The following TMC1 variants were observed in gnomAD, a reference collection of about 807,000 sequenced individuals.
The protein encoded by TMC1 is transmembrane channel-like protein 1.
Under a neutral mutation model 105.8 loss-of-function variants are expected in TMC1, and 84 were observed. The observed-to-expected ratio is 0.79, with a 90% CI of 0.67 to 0.95. TMC1 has a LOEUF of 0.95. Among genes scored for constraint, TMC1 ranks in the 40% least tolerant of loss-of-function variants. TMC1 has a pLI of 0.00. For missense variants in TMC1, 817 were observed against 914.1 expected (o/e 0.89, Z 1.37); for synonymous variants, 315 against 311.5 (o/e 1.01, Z -0.12).
intron 12 of TMC1, among the ~76,000 whole-genome samples, chr9:72,769,357 C>T (rs1240663729): frequency 6.6e-6 from 1 of 152,176 alleles, no homozygotes; most frequent in African/African-American, 2.4e-5. Context: ...GTCAACATGC[C>T]GCCTTTATTA....
Position 72,594,859 on chromosome 9 carries a change from T to G in TMC1, c.-306+16836T>G, listed in dbSNP as rs534239152. Among the ~76,000 whole-genome samples, 662 of 149,730 alleles carry G rather than the reference T, an allele frequency of 4.4e-3. 3 individuals carry two copies. Among genetic ancestry groups the G allele is most frequent in the Non-Finnish European group, 7.4e-3 (499 of 67,298 alleles). On this transcript the variant is annotated intron_variant, in intron 2 of 23. Transcript: ENST00000297784. ...TCACAATGTGCAGCTCTCCTCTGCT[T>G]CTTCTTCTTCTTTTTTTTTTTTTTG...
chr9:72,580,188 T>C (rs1824452570), intron 2 of TMC1, among the ~76,000 whole-genome samples: 1 of 152,212 alleles, frequency 6.6e-6, no homozygotes. Context: ...TCCAGGAATA[T>C]GCATTTTATG....
rs752951470 is a variant in TMC1, at chr9:72,836,004, C to G, written c.*31C>G. On this transcript the variant is annotated 3_prime_UTR_variant, in exon 24 of 24. Coordinates refer to ENST00000297784, the MANE Select transcript of TMC1 (RefSeq NM_138691.3). The stretch of plus-strand genomic sequence containing the variant: ...ATCCTGAGAGCCCAGAAAAGGTACA[C>G]TTTGCCTTGCTGTTTAAAAGTAATG... The G allele has an allele frequency of 4.6e-6, 7 of 1,521,348 alleles. No individual in the cohort carries two copies. The highest frequency in any genetic ancestry group is 4.4e-6 in the Non-Finnish European group (5 of 1,124,980). The allele number at this position is 1,521,348 out of a possible 1,614,324, so 94.2% of individuals were successfully genotyped here. A position where few individuals can be genotyped will look rare whatever the true frequency, so the allele number is the denominator to read the frequency against.
At chr9:72,630,190 C>G (rs1299191324) in intron 4 of TMC1, among the ~76,000 whole-genome samples, 1 of 152,098 alleles carries the variant, frequency 6.6e-6, no homozygotes. Flanking sequence ...TTTAAAGACA[C>G]ACTGTAAGAA....
intron 7 of TMC1, among the ~76,000 whole-genome samples, chr9:72,699,432 C>CAATT (rs1417098057): frequency 1.3e-5 from 2 of 152,068 alleles, no homozygotes; most frequent in African/African-American, 4.8e-5. Context: ...TTCCCGATTT[C>CAATT]AATTTTTCTT....
intron 2 of TMC1, among the ~76,000 whole-genome samples, chr9:72,589,585 G>A (rs921025126): frequency 4.6e-5 from 7 of 152,072 alleles, no homozygotes; most frequent in African/African-American, 1.2e-4. Flanking sequence ...AAAGCATGTC[G>A]GACTTGACCT....
At chr9:72,801,221 G>T (rs1006181329) in intron 17 of TMC1, among the ~76,000 whole-genome samples, 2 of 152,220 alleles carry the variant, frequency 1.3e-5, no homozygotes, top group South Asian at 2.1e-4. Flanking sequence ...TTGATAGGTG[G>T]GCAGCAGAGC....
chr9:72,562,189 C>T (rs1824066289), intron 1 of TMC1, among the ~76,000 whole-genome samples: 1 of 152,118 alleles, frequency 6.6e-6, no homozygotes, highest in African/African-American at 2.4e-5. Flanking sequence ...CCTGCCCTGA[C>T]TAATATACTC....
intron 1 of TMC1, among the ~76,000 whole-genome samples, chr9:72,550,338 C>T (rs1471447930): frequency 1.3e-5 from 2 of 151,606 alleles, no homozygotes; most frequent in Non-Finnish European, 2.9e-5. Context: ...CGTGGTCAGG[C>T]GCCTGTAATC....
At chr9:72,760,953 A>C (rs1827747370) in intron 12 of TMC1, among the ~76,000 whole-genome samples, 1 of 152,192 alleles carries the variant, frequency 6.6e-6, no homozygotes, top group Admixed American at 6.5e-5. Flanking sequence ...TTCAGTTAAT[A>C]GTAGACAAAC....
intron 7 of TMC1, among the ~76,000 whole-genome samples, chr9:72,696,223 A>G (rs1378612936): frequency 9.8e-5 from 15 of 152,308 alleles, no homozygotes; most frequent in Admixed American, 9.2e-4. Context: ...AAATGGGGCC[A>G]TGTGAAGCAA....
intron 5 of TMC1, among the ~76,000 whole-genome samples, chr9:72,669,029 G>A (rs1826087172): frequency 6.6e-6 from 1 of 152,154 alleles, no homozygotes; most frequent in South Asian, 2.1e-4. Context: ...ATACAGCTGG[G>A]TGCAGTGGCT....
chr9:72,739,855 T>C (rs1351458493), intron 8 of TMC1, among the ~76,000 whole-genome samples: 2 of 152,228 alleles, frequency 1.3e-5, no homozygotes, highest in Non-Finnish European at 1.5e-5. Context: ...TGTTCTCTAT[T>C]TTGACATTTA....
intron 11 of TMC1, among the ~76,000 whole-genome samples, chr9:72,753,748 C>CTTT (rs1564532203): frequency 1.3e-5 from 2 of 152,180 alleles, no homozygotes; most frequent in African/African-American, 4.8e-5. Flanking sequence ...TTTCAGCTGC[C>CTTT]TCTACCCGAC....
chr9:72,623,071 A>C (rs1007840131), intron 3 of TMC1, among the ~76,000 whole-genome samples: 7 of 150,856 alleles, frequency 4.6e-5, no homozygotes, highest in African/African-American at 7.3e-5. Context: ...AACAAACAAA[A>C]GAAAAACAAC....
intron 8 of TMC1, among the ~76,000 whole-genome samples, chr9:72,725,325 G>GTGTATATA (rs1346287163): frequency 0.01 from 803 of 77,460 alleles, 9 homozygotes; most frequent in Non-Finnish European, 0.016. Flanking sequence ...ATGTGTGTAT[G>GTGTATATA]TATATATATA....
chr9:72,707,293 TC>T (rs1826759098), intron 8 of TMC1, among the ~76,000 whole-genome samples: 1 of 152,230 alleles, frequency 6.6e-6, no homozygotes, highest in Non-Finnish European at 1.5e-5. Flanking sequence ...GATTGCTGGG[TC>T]AAATGGTAGT....
chr9:72,605,196 A>G (rs1340987485), intron 2 of TMC1, among the ~76,000 whole-genome samples: 1 of 152,252 alleles, frequency 6.6e-6, no homozygotes, highest in Non-Finnish European at 1.5e-5. Context: ...AGGAATCCAA[A>G]CAACTGAGGG....
chr9:72,657,501 T>C (rs1032376128), intron 5 of TMC1, among the ~76,000 whole-genome samples: 3 of 152,224 alleles, frequency 2.0e-5, no homozygotes, highest in African/African-American at 7.2e-5. Context: ...TTCCCTTTAG[T>C]TATCATAATT....
Sources: gnomAD v4.1 joint callset for allele counts (sites outside exome capture counted in the v4.1 genomes callset) on GRCh38, gnomAD v4.1.1 for gene constraint, MANE v1.5 for transcripts, NCBI Gene and HGNC (gene_info 2026-07-23, HGNC 2026-07-21) for gene names.